FBN1: variants seen among roughly 807,000 people sequenced by gnomAD.
FBN1 encodes the protein fibrillin-1.
A neutral mutation model predicts 365.1 loss-of-function variants in FBN1; 29 were observed. That is an observed-to-expected ratio of 0.08 (90% CI 0.06 to 0.11). The LOEUF is 0.11. Among genes scored for constraint, FBN1 ranks in the 10% least tolerant of loss-of-function variants. The pLI, the probability that FBN1 is intolerant of heterozygous loss-of-function variation, is 1.00. For synonymous variants in FBN1, 1,210 were observed against 1,270.5 expected, an observed-to-expected ratio of 0.95 and a Z score of 1.01; for missense variants, 2,476 against 3,703.2, an observed-to-expected ratio of 0.67 and a Z score of 8.60.
intron 6 of FBN1, among the ~76,000 whole-genome samples, chr15:48,562,707 A>C (rs1370925543): frequency 5.9e-5 from 9 of 152,334 alleles, no homozygotes; most frequent in Non-Finnish European, 8.8e-5. Context: ...GCTCGCTGGC[A>C]GGAAAGCTCT....
At chr15:48,496,516 A>T (rs2141305472) in intron 19 of FBN1, among the ~76,000 whole-genome samples, 1 of 152,192 alleles carries the variant, frequency 6.6e-6, no homozygotes, top group East Asian at 1.9e-4. Flanking sequence ...GCTGGAAATC[A>T]TTAATCTTTA....
intron 31 of FBN1, among the ~76,000 whole-genome samples, chr15:48,483,297 T>C (rs1183892646): frequency 2.0e-5 from 3 of 152,154 alleles, no homozygotes; most frequent in East Asian, 3.9e-4. Flanking sequence ...TATGAAAAAA[T>C]ACCCAAGTCG....
At chr15:48,560,997 G>A (rs1460294838) in intron 6 of FBN1, among the ~76,000 whole-genome samples, 3 of 152,126 alleles carry the variant, frequency 2.0e-5, no homozygotes, top group Non-Finnish European at 2.9e-5. Context: ...TTCAGAAATC[G>A]TCAGCCAACT....
chr15:48,537,267 C>T (rs898206176), intron 7 of FBN1, among the ~76,000 whole-genome samples: 2 of 152,086 alleles, frequency 1.3e-5, no homozygotes, highest in South Asian at 4.1e-4. Flanking sequence ...TTAAGAAAAA[C>T]ATAAACTACC....
intron 6 of FBN1, among the ~76,000 whole-genome samples, chr15:48,547,339 G>A (rs2044101656): frequency 6.6e-6 from 1 of 152,158 alleles, no homozygotes; most frequent in Non-Finnish European, 1.5e-5. Context: ...GGCGTGGTGG[G>A]TGGGATTTCC....
chr15:48,592,465 G>A (rs1489300353), intron 6 of FBN1, among the ~76,000 whole-genome samples: 4 of 152,068 alleles, frequency 2.6e-5, no homozygotes, highest in African/African-American at 4.8e-5. Flanking sequence ...GGCAATATAC[G>A]ACTAGCTTGT....
At position 48,415,733 on chromosome 15, in the gene FBN1, T is replaced by C; in HGVS notation, c.7854A>G (p.Gly2618=). Residue 2618 remains glycine (G), a synonymous_variant, in exon 64 of 66, where the codon GGA becomes GGG. Coordinates refer to ENST00000316623, the MANE Select transcript of FBN1 (RefSeq NM_000138.5). ...CCAGGGTGTTGTGACAGGAGGCTCC[T>C]CCGCAGATGTGAGCGCTGAGGCATT... The part of the protein sequence containing the change: ...ENECLSAHIC[G]GASCHNTLGS... 1 of 1,614,238 alleles carries C rather than the reference T, an allele frequency of 6.2e-7. No homozygotes were observed. The highest frequency in any genetic ancestry group is 8.5e-7 in the Non-Finnish European group (1 of 1,180,046).
chr15:48,486,123 G>C (rs1396854925), intron 29 of FBN1, among the ~76,000 whole-genome samples: 1 of 152,216 alleles, frequency 6.6e-6, no homozygotes, highest in African/African-American at 2.4e-5. Context: ...TGTGCCATTT[G>C]CAATGCAGGA....
In FBN1 at chr15:48,505,104, A is replaced by T. The variant is rs1351176028; in HGVS notation, c.1881T>A (p.Arg627=). 2.5e-6 allele frequency: 4 copies of T among 1,614,048 alleles called. No individual in the cohort carries two copies. Among genetic ancestry groups the T allele is most frequent in the African/African-American group, 1.3e-5 (1 of 74,932 alleles). Reference sequence around the variant, plus strand: ...TGTAGGAGCCATCAGTGTTGACGCAACGCCCATTCATGCAGATCCCAGGGG... The same window carrying T: ...TGTAGGAGCCATCAGTGTTGACGCATCGCCCATTCATGCAGATCCCAGGGG... ...CETPGICMNG[R]CVNTDGSYRC... The change falls in exon 16 of 66, where the codon CGT becomes CGA. Residue 627 remains arginine, a synonymous_variant. Transcript: ENST00000316623.
At chr15:48,475,214 A>G (rs2043409604) in intron 32 of FBN1, among the ~76,000 whole-genome samples, 1 of 152,162 alleles carries the variant, frequency 6.6e-6, no homozygotes, top group South Asian at 2.1e-4. Context: ...TTTGCAGAAA[A>G]TGTTCCTTAA....
At chr15:48,460,351 T>C (rs1434418612) in intron 42 of FBN1, 34 bp from the exon 43 acceptor site, 3 of 1,367,644 alleles carry the variant, frequency 2.2e-6, no homozygotes, top group South Asian at 1.2e-5. Flanking sequence ...GATGGGAGGA[T>C]AGGGGTCAGC....
At chr15:48,420,932 T>C in intron 62 of FBN1, 126 bp from the exon 63 acceptor site, 1 of 1,071,856 alleles carries the variant, frequency 9.3e-7, no homozygotes. Context: ...ACTTCAAGAA[T>C]CTCTCTTCTG....
chr15:48,595,458 T>C (rs1237061632), intron 6 of FBN1, among the ~76,000 whole-genome samples: 1 of 152,136 alleles, frequency 6.6e-6, no homozygotes, highest in African/African-American at 2.4e-5. Context: ...AAAAAATCTA[T>C]AAATGTAGAG....
chr15:48,624,254 T>A (rs1430020310), intron 2 of FBN1, among the ~76,000 whole-genome samples: 1 of 152,210 alleles, frequency 6.6e-6, no homozygotes, highest in Non-Finnish European at 1.5e-5. Flanking sequence ...CACTCTTCAC[T>A]TCATGCTTCT....
At chr15:48,575,692 T>C (rs997984691) in intron 6 of FBN1, among the ~76,000 whole-genome samples, 2 of 151,996 alleles carry the variant, frequency 1.3e-5, no homozygotes, top group Non-Finnish European at 2.9e-5. Flanking sequence ...AATCATTATA[T>C]TAAAAAGACG....
chr15:48,514,300 C>T (rs778796964), intron 12 of FBN1, among the ~76,000 whole-genome samples: 1 of 152,160 alleles, frequency 6.6e-6, no homozygotes, highest in Non-Finnish European at 1.5e-5. Context: ...CCCACTTGTC[C>T]ACATGCTTCT....
intron 60 of FBN1, among the ~76,000 whole-genome samples, 193 bp from the exon 61 acceptor site, chr15:48,422,261 C>A (rs888637766): frequency 5.9e-5 from 9 of 152,054 alleles, no homozygotes; most frequent in Admixed American, 5.9e-4. Context: ...CAATTTAGAC[C>A]CTCCTCCCCT....
At chr15:48,440,067 G>A (rs1246391934) in intron 50 of FBN1, among the ~76,000 whole-genome samples, 1 of 152,198 alleles carries the variant, frequency 6.6e-6, no homozygotes, top group Non-Finnish European at 1.5e-5. Context: ...ACTTACTTTA[G>A]CTTGTGGTGA....
At chr15:48,645,196 C>T (rs1890278701) in intron 1 of FBN1, among the ~76,000 whole-genome samples, 1 of 152,132 alleles carries the variant, frequency 6.6e-6, no homozygotes. Context: ...GTACCCATAT[C>T]CCCAGCGGTC....
Sources: gnomAD v4.1 joint callset for allele counts (sites outside exome capture counted in the v4.1 genomes callset) on GRCh38, gnomAD v4.1.1 for gene constraint, MANE v1.5 for transcripts, NCBI Gene and HGNC (gene_info 2026-07-23, HGNC 2026-07-21) for gene names.